The following SPOCK3 variants were observed in gnomAD, a reference collection of about 807,000 sequenced individuals.
SPOCK3 encodes testican-3.
SPOCK3 carries 30 observed loss-of-function variants against 56.6 expected under a neutral mutation model. The ratio of observed to expected loss-of-function variants is 0.53; its 90% CI spans 0.40 to 0.72. SPOCK3 has a LOEUF of 0.72. Among genes scored for constraint, SPOCK3 ranks in the 30% least tolerant of loss-of-function variants. The pLI, the probability that SPOCK3 is intolerant of heterozygous loss-of-function variation, is 0.00. For missense variants in SPOCK3, 527 were observed against 530.0 expected (o/e 0.99, Z 0.06); for synonymous variants, 196 against 183.3 (o/e 1.07, Z -0.56).
intron 6 of SPOCK3, among the ~76,000 whole-genome samples, chr4:166,806,979 T>G (rs1195294397): frequency 6.6e-6 from 1 of 151,914 alleles, no homozygotes; most frequent in Non-Finnish European, 1.5e-5. Flanking sequence ...AATAAAATTA[T>G]TATAATATAC....
intron 4 of SPOCK3, among the ~76,000 whole-genome samples, chr4:166,957,754 G>T (rs578121065): frequency 6.6e-6 from 1 of 152,112 alleles, no homozygotes; most frequent in African/African-American, 2.4e-5. Context: ...ACTTGCATGG[G>T]GCCTACAGTC....
intron 2 of SPOCK3, among the ~76,000 whole-genome samples, chr4:167,154,481 C>G (rs1561273126): frequency 6.6e-6 from 1 of 151,998 alleles, no homozygotes; most frequent in Non-Finnish European, 1.5e-5. Flanking sequence ...AAAATAATAG[C>G]TGGCTGCAAT....
At chr4:167,096,935 C>T (rs1209734391) in intron 2 of SPOCK3, among the ~76,000 whole-genome samples, 1 of 151,810 alleles carries the variant, frequency 6.6e-6, no homozygotes, top group East Asian at 1.9e-4. Flanking sequence ...TGTTTTGACA[C>T]TGTTGTGTGG....
At chr4:167,115,194 A>G (rs1249425759) in intron 2 of SPOCK3, among the ~76,000 whole-genome samples, 1 of 152,036 alleles carries the variant, frequency 6.6e-6, no homozygotes, top group East Asian at 1.9e-4. Context: ...TTGAAATACA[A>G]TTATGCCCAT....
chr4:167,181,968 A>G (rs560206767), intron 2 of SPOCK3, among the ~76,000 whole-genome samples: 3 of 152,316 alleles, frequency 2.0e-5, no homozygotes, highest in African/African-American at 2.4e-5. Context: ...AAGATGCTCA[A>G]TAAGGTGTTC....
intron 6 of SPOCK3, among the ~76,000 whole-genome samples, chr4:166,851,427 G>A (rs531799965): frequency 1.6e-3 from 239 of 152,340 alleles, no homozygotes; most frequent in Non-Finnish European, 3.0e-3. Flanking sequence ...TCCTGCAAAG[G>A]AACGCAGTTC....
At position 167,124,173 on chromosome 4, in the gene SPOCK3, C is replaced by A. The variant is rs530647588; in HGVS notation, c.190-61636G>T. ...TCCTGACCTGTGAATGTTGAATGGC[C>A]CAAGGCTACAGACTAGTCCTTGAAT... On this transcript the variant is annotated intron_variant, in intron 2 of 10. Transcript: ENST00000357545. Among the ~76,000 whole-genome samples, 5 of 152,228 alleles carry A rather than the reference C, an allele frequency of 3.3e-5. No individual in the cohort carries two copies. The South Asian group carries it at 1.0e-3, about 32-fold the overall frequency.
intron 6 of SPOCK3, among the ~76,000 whole-genome samples, chr4:166,833,162 T>C (rs925043459): frequency 5.3e-5 from 8 of 151,246 alleles, no homozygotes; most frequent in African/African-American, 1.9e-4. Flanking sequence ...TATTTAGAAG[T>C]TTAATTTCCA....
At chr4:166,763,600 G>A (rs1737541215) in intron 7 of SPOCK3, among the ~76,000 whole-genome samples, 1 of 152,082 alleles carries the variant, frequency 6.6e-6, no homozygotes, top group Non-Finnish European at 1.5e-5. Flanking sequence ...ACTGTGGAGT[G>A]TACAACATAG....
At chr4:166,930,616 A>C (rs1245170266) in intron 4 of SPOCK3, among the ~76,000 whole-genome samples, 1 of 152,224 alleles carries the variant, frequency 6.6e-6, no homozygotes. Context: ...GACTAAAAAT[A>C]AATTACTACA....
intron 2 of SPOCK3, among the ~76,000 whole-genome samples, chr4:167,185,088 T>C (rs1163534203): frequency 1.3e-5 from 2 of 152,172 alleles, no homozygotes. Context: ...AGAGTCTGGG[T>C]TCTACCTCTG....
At chr4:166,822,052 A>G (rs528825993) in intron 6 of SPOCK3, among the ~76,000 whole-genome samples, 2 of 152,092 alleles carry the variant, frequency 1.3e-5, no homozygotes, top group Admixed American at 1.3e-4. Flanking sequence ...TTCTGGAAAT[A>G]TTTCTGTCTT....
Position 166,792,152 on chromosome 4 carries a change from C to A in SPOCK3, c.709+18G>T, listed in dbSNP as rs1741425118. The A allele has an allele frequency of 6.2e-7, 1 of 1,613,342 alleles. No individual in the cohort carries two copies. Among genetic ancestry groups the A allele is most frequent in the Non-Finnish European group, 8.5e-7 (1 of 1,179,624 alleles). ...TCATAACAGATACAGTAGCAATGAT[C>A]AAATTTAGAAATCTTACTGCTTCTC... On this transcript the variant is annotated intron_variant, in intron 7 of 10. Coordinates refer to ENST00000357545, the MANE Select transcript of SPOCK3 (RefSeq NM_001040159.2).
chr4:166,816,048 C>G (rs931706172), intron 6 of SPOCK3, among the ~76,000 whole-genome samples: 3 of 152,140 alleles, frequency 2.0e-5, no homozygotes, highest in South Asian at 4.1e-4. Context: ...CTGGTAGGAA[C>G]TATTTAATAA....
At chr4:166,941,473 C>A (rs76287638) in intron 4 of SPOCK3, among the ~76,000 whole-genome samples, 12,620 of 152,150 alleles carry the variant, frequency 0.083, 692 homozygotes, top group Middle Eastern at 0.19. Flanking sequence ...AAAATATCTA[C>A]CAAGAGGGGA....
chr4:166,949,426 G>C (rs1339001255), intron 4 of SPOCK3, among the ~76,000 whole-genome samples: 2 of 152,130 alleles, frequency 1.3e-5, no homozygotes, highest in Non-Finnish European at 2.9e-5. Context: ...CTGCTTTTTA[G>C]AGTTTCCAGT....
chr4:166,863,717 T>C (rs1731483741), intron 6 of SPOCK3, among the ~76,000 whole-genome samples: 1 of 152,096 alleles, frequency 6.6e-6, no homozygotes, highest in Non-Finnish European at 1.5e-5. Context: ...AAGGGATCAA[T>C]GCAACAAGAA....
chr4:166,747,979 TA>T (rs1384840326), intron 8 of SPOCK3, among the ~76,000 whole-genome samples: 2 of 151,780 alleles, frequency 1.3e-5, no homozygotes, highest in Admixed American at 6.6e-5. Context: ...CTCAATGAAA[TA>T]AAAAAAGATA....
intron 2 of SPOCK3, among the ~76,000 whole-genome samples, chr4:167,170,091 C>A (rs1230400808): frequency 1.3e-5 from 2 of 152,128 alleles, no homozygotes; most frequent in African/African-American, 4.8e-5. Context: ...TGGACTAATA[C>A]AAACAGTATA....
Sources: allele counts gnomAD v4.1 joint callset (sites outside exome capture counted in the v4.1 genomes callset), GRCh38; gene constraint gnomAD v4.1.1; transcripts MANE v1.5; gene names NCBI Gene and HGNC (gene_info 2026-07-23, HGNC 2026-07-21).